NTAN1: variants seen among roughly 807,000 people sequenced by gnomAD.
NTAN1 encodes the protein N-terminal asparagine amidase, also known as protein N-terminal asparagine amidohydrolase.
A neutral mutation model predicts 41.9 loss-of-function variants in NTAN1; 32 were observed. The ratio of observed to expected loss-of-function variants is 0.76; its 90% CI spans 0.58 to 1.03. The LOEUF (loss-of-function observed/expected upper bound fraction) is 1.03. Ranked by LOEUF, NTAN1 falls within the 50% of genes least tolerant of loss-of-function variation. The pLI is 0.00. For missense variants in NTAN1, 377 were observed against 377.5 expected, an observed-to-expected ratio of 1.00 and a Z score of 0.01; for synonymous variants, 140 against 139.5, an observed-to-expected ratio of 1.00 and a Z score of -0.03.
chr16:15,038,411 C>A, intron 9 of NTAN1, 163 bp downstream of exon 9: 1 of 623,138 alleles, frequency 1.6e-6, no homozygotes, highest in South Asian at 2.1e-5. Flanking sequence ...CTTGACATAT[C>A]CCCATTTGAT....
intron 5 of NTAN1, among the ~76,000 whole-genome samples, chr16:15,043,437 G>A (rs914269026): frequency 2.0e-5 from 3 of 152,238 alleles, no homozygotes; most frequent in African/African-American, 7.2e-5. Context: ...AGCTACTTGG[G>A]AGGCTGAGGA....
chr16:15,047,030 G>A (rs902174582), intron 4 of NTAN1, among the ~76,000 whole-genome samples: 3 of 152,068 alleles, frequency 2.0e-5, no homozygotes, highest in Non-Finnish European at 2.9e-5. Flanking sequence ...ACCTTGGGCC[G>A]GGCTTTCTGT....
In NTAN1 at chr16:15,041,616, G is replaced by C; in HGVS notation, c.487+7C>G. ...ATCTTTGCTTTGGGGCAAATGGCAGGACTTACCTGTCACACATAATGTCAC... is the reference window on the plus strand; with the variant it reads ...ATCTTTGCTTTGGGGCAAATGGCAGCACTTACCTGTCACACATAATGTCAC... On this transcript the variant is annotated splice_region_variant and intron_variant, in intron 6 of 9. Transcript: ENST00000287706. 1.2e-6 allele frequency: 2 copies of C among 1,604,172 alleles called. No individual in the cohort carries two copies. The highest frequency in any genetic ancestry group is 1.7e-6 in the Non-Finnish European group (2 of 1,170,952).
intron 8 of NTAN1, 35 bp downstream of exon 8, chr16:15,039,934 T>C: frequency 7.9e-7 from 1 of 1,263,426 alleles, no homozygotes; most frequent in Non-Finnish European, 1.1e-6. Flanking sequence ...GCCTTTTTTT[T>C]TTTAACCCCT....
At chr16:15,040,234 C>T in intron 7 of NTAN1, 168 bp from the exon 8 acceptor site, 1 of 440,010 alleles carries the variant, frequency 2.3e-6, no homozygotes. Flanking sequence ...GCAACCTTTA[C>T]CCCAAGCATC....
chr16:15,053,931 A>C (rs4985148), intron 1 of NTAN1, among the ~76,000 whole-genome samples: 46,657 of 149,840 alleles, frequency 0.31, 7,672 homozygotes, highest in Admixed American at 0.46. Flanking sequence ...AACCAACCAA[A>C]CAAACAAACA....
chr16:15,039,971 G>C lies in NTAN1; in HGVS notation c.637C>G (p.Pro213Ala). The C allele has an allele frequency of 6.4e-7, 1 of 1,564,022 alleles. No individual in the cohort carries two copies. ...AACAAAGATGATTTGAAACTCACTG[G>C]TCCTCCTGCTAAAGTTCGCGCAGCA... ...LRAARTLAGGPMISIYDAETE... is the reference protein window; with the variant it reads ...LRAARTLAGGAMISIYDAETE... The change falls in exon 8 of 10, where the codon CCA becomes GCA. Residue 213 changes from proline to alanine, a missense_variant and splice_region_variant. By Grantham distance (27) the Pro-to-Ala change is conservative (BLOSUM62 -1). Coordinates refer to ENST00000287706, the MANE Select transcript of NTAN1 (RefSeq NM_173474.4).
In NTAN1 at chr16:15,056,063, G is replaced by A; in HGVS notation, c.-92C>T. ...CCGCCGCCCCCGCCCCTCGGGCCGC[G>A]CGTCCCGCCTCGTCCTGCCCCGCCC... On this transcript the variant is annotated 5_prime_UTR_variant, in exon 1 of 10. Coordinates refer to ENST00000287706, the MANE Select transcript of NTAN1 (RefSeq NM_173474.4). 1 of 461,198 alleles carries A rather than the reference G, an allele frequency of 2.2e-6. No individual in the cohort carries two copies. The highest frequency in any genetic ancestry group is 2.9e-6 in the Non-Finnish European group (1 of 340,058). 28.6% of individuals were successfully genotyped at this position (461,198 alleles called of 1,614,324 possible). A position where few individuals can be genotyped will look rare whatever the true frequency, so the allele number is the denominator to read the frequency against.
rs1361668989 is a variant in NTAN1 at position 15,055,975 on chromosome 16, G to A, written c.-4C>T. 3.3e-6 allele frequency: 4 copies of A among 1,220,188 alleles called. No homozygotes were observed. Among genetic ancestry groups the A allele is most frequent in the African/African-American group, 3.1e-5 (2 of 63,784 alleles). The allele number at this position is 1,220,188 out of a possible 1,614,324, so 75.6% of individuals were successfully genotyped here. A position where few individuals can be genotyped will look rare whatever the true frequency, so the allele number is the denominator to read the frequency against. On this transcript the variant is annotated 5_prime_UTR_variant, in exon 1 of 10. Transcript: ENST00000287706. ...GCCCCTCGACGAGCAGCGGCATCGC[G>A]GAGGCGGCCGCCCAGGCAGGCCCAG...
At chr16:15,040,291 T>C (rs190527714) in intron 7 of NTAN1, 358 of 423,082 alleles carry the variant, frequency 8.5e-4, no homozygotes, top group Non-Finnish European at 1.4e-3. Flanking sequence ...GAGATTTTGT[T>C]CTAAACCAAG....
intron 5 of NTAN1, among the ~76,000 whole-genome samples, chr16:15,042,630 C>T (rs902925458): frequency 1.3e-5 from 2 of 152,238 alleles, no homozygotes; most frequent in African/African-American, 4.8e-5. Flanking sequence ...TTCTACCGCT[C>T]ATCTTCAGGT....
intron 5 of NTAN1, among the ~76,000 whole-genome samples, chr16:15,042,104 C>T (rs1473069448): frequency 6.6e-6 from 1 of 152,112 alleles, no homozygotes; most frequent in East Asian, 1.9e-4. Flanking sequence ...TGTCCATAAT[C>T]CTAACACTGT....
chr16:15,038,895 G>C (rs112103398), intron 8 of NTAN1, among the ~76,000 whole-genome samples: 40 of 152,302 alleles, frequency 2.6e-4, no homozygotes, highest in Non-Finnish European at 4.0e-4. Flanking sequence ...ACTGCTGAGC[G>C]CCAACAGCAG....
chr16:15,050,969 G>A lies in NTAN1; in HGVS notation c.82-2870C>T, dbSNP rs546202479. Among the ~76,000 whole-genome samples the A allele has an allele frequency of 4.6e-5, 7 of 152,330 alleles. No individual in the cohort carries two copies. In the South Asian group the frequency reaches 1.4e-3, roughly 32 times the overall value. ...TGCTCCAGAAGTCAGTGAGAAACAGGTGTGACTGCTCTAAAACTCAGAACA... is the reference window on the plus strand; with the variant it reads ...TGCTCCAGAAGTCAGTGAGAAACAGATGTGACTGCTCTAAAACTCAGAACA... On this transcript the variant is annotated intron_variant, in intron 1 of 9. Transcript: ENST00000287706.
rs1830223802 is a variant in NTAN1 at position 15,040,006 on chromosome 16, T to C, written c.602A>G (p.Glu201Gly). The change falls in exon 8 of 10, where the codon GAG (glutamate) becomes GGG (glycine). Residue 201 changes from glutamate to glycine, a missense_variant. Coordinates refer to ENST00000287706, the MANE Select transcript of NTAN1 (RefSeq NM_173474.4). ...TAAAGTTCGCGCAGCACGAAGCTGC[T>C]CCTCCGGACCCCGATCTTGAAAGGA... Reference protein sequence around the residue: ...RASFQDRGPEEQLRAARTLAG... With the variant: ...RASFQDRGPEGQLRAARTLAG... 1.9e-6 allele frequency: 3 copies of C among 1,612,036 alleles called. No individual in the cohort carries two copies. The highest frequency in any genetic ancestry group is 2.5e-6 in the Non-Finnish European group (3 of 1,178,358).
Position 15,047,525 on chromosome 16 carries a change from A to C in NTAN1, c.276T>G (p.His92Gln), listed in dbSNP as rs367755556. ...HTGNGATCLTHCDGTDTKAEV... is the reference protein window; with the variant it reads ...HTGNGATCLTQCDGTDTKAEV... ...CAGCTTTGGTGTCGGTTCCGTCACA[A>C]TGTGTCAAGCAGGTGGCCCCATTAC... The change falls in exon 4 of 10, where the codon CAT becomes CAG. Residue 92 changes from histidine to glutamine, a missense_variant. Coordinates refer to ENST00000287706, the MANE Select transcript of NTAN1 (RefSeq NM_173474.4). The C allele has an allele frequency of 6.2e-7, 1 of 1,613,864 alleles. No individual in the cohort carries two copies. Among genetic ancestry groups the C allele is most frequent in the Non-Finnish European group, 8.5e-7 (1 of 1,179,844 alleles).
chr16:15,043,631 T>C (rs1362415260), intron 5 of NTAN1, among the ~76,000 whole-genome samples: 86 of 152,158 alleles, frequency 5.7e-4, no homozygotes, highest in Admixed American at 5.5e-3. Context: ...ACGACAATGT[T>C]TTCTTTCTTT....
chr16:15,046,090 G>T (rs971315021), intron 4 of NTAN1: 1 of 152,260 alleles, frequency 6.6e-6, no homozygotes, highest in Non-Finnish European at 1.5e-5. Context: ...CAACATAATG[G>T]CATTGATTAC....
chr16:15,045,160 A>T (rs12934815), intron 4 of NTAN1: 1 of 148,730 alleles, frequency 6.7e-6, no homozygotes. Flanking sequence ...TTAGCCGGGC[A>T]TGGTGGCACA....
Sources: gnomAD v4.1 joint callset for allele counts (sites outside exome capture counted in the v4.1 genomes callset) on GRCh38, gnomAD v4.1.1 for gene constraint, MANE v1.5 for transcripts, NCBI Gene and HGNC (gene_info 2026-07-23, HGNC 2026-07-21) for gene names.